The following ZIM2 variants were observed in gnomAD, a reference collection of about 807,000 sequenced individuals.
The protein encoded by ZIM2 is zinc finger imprinted 2, also known as zinc finger protein 656.
Under a neutral mutation model 38.6 loss-of-function variants are expected in ZIM2, and 14 were observed. The observed-to-expected ratio is 0.36, with a 90% CI of 0.24 to 0.57. The LOEUF is 0.57. ZIM2 is among the 20% of genes least tolerant of loss of function. The probability of loss-of-function intolerance (pLI) is 0.81; values close to 1 mark genes in which losing one functional copy is unlikely to be tolerated. For missense variants in ZIM2, 680 were observed against 695.1 expected (o/e 0.98, Z 0.24); for synonymous variants, 247 against 245.8 (o/e 1.00, Z -0.04).
chr19:56,789,779 T>G, intron 10 of ZIM2, 93 bp downstream of exon 10: 1 of 1,096,972 alleles, frequency 9.1e-7, no homozygotes, highest in South Asian at 3.2e-5. Flanking sequence ...TTAATGGAAA[T>G]GAGTATGTGG....
At chr19:56,804,067 G>A (rs1307093542) in intron 9 of ZIM2, among the ~76,000 whole-genome samples, 2 of 152,208 alleles carry the variant, frequency 1.3e-5, no homozygotes, top group Admixed American at 1.3e-4. Context: ...AGGTGGCTGG[G>A]ACTCATCCCA....
chr19:56,815,145 C>A lies in ZIM2; in HGVS notation c.490+2601G>T, dbSNP rs753462267. 5 of 1,613,806 alleles carry A rather than the reference C, an allele frequency of 3.1e-6. No homozygotes were observed. In the South Asian group the frequency reaches 5.5e-5, roughly 18 times the overall value. ...CATAGATTTTGTCATCAGGGTCATC[C>A]TTCTGAGGGTCTTCCATGTCTGAGC... On this transcript the variant is annotated intron_variant, in intron 9 of 12. Transcript: ENST00000629319.
chr19:56,775,092 C>A lies in ZIM2; in HGVS notation c.1273G>T (p.Val425Phe), dbSNP rs748113284. 6.2e-7 allele frequency: 1 copy of A among 1,614,122 alleles called. No homozygotes were observed. The highest frequency in any genetic ancestry group is 8.5e-7 in the Non-Finnish European group (1 of 1,180,030). ...SGCNEGRKPS[V>F]QCANLCERVR... Reference sequence around the variant, plus strand: ...CGTTCACAGAGATTCGCACACTGGACGGAAGGCTTTCTACCTTCATTGCAG... The same window carrying A: ...CGTTCACAGAGATTCGCACACTGGAAGGAAGGCTTTCTACCTTCATTGCAG... The change falls in exon 13 of 13, where the codon GTC becomes TTC. Residue 425 changes from valine (V) to phenylalanine (F), a missense_variant. Transcript: ENST00000629319.
At chr19:56,816,013 A>G in intron 9 of ZIM2, 2 of 1,590,258 alleles carry the variant, frequency 1.3e-6, no homozygotes, top group Non-Finnish European at 1.7e-6. Context: ...GATAGCATCG[A>G]AGCTCTGAAT....
intron 9 of ZIM2, chr19:56,815,130 G>A: frequency 3.1e-6 from 5 of 1,613,844 alleles, no homozygotes; most frequent in Non-Finnish European, 3.4e-6. Context: ...CATAGATTTT[G>A]TCATCAGGGT....
At chr19:56,804,268 G>A (rs1305801699) in intron 9 of ZIM2, among the ~76,000 whole-genome samples, 1 of 152,218 alleles carries the variant, frequency 6.6e-6, no homozygotes, top group Non-Finnish European at 1.5e-5. Flanking sequence ...CACCTTTTCA[G>A]GGTGGATAGA....
chr19:56,775,677 T>G, intron 12 of ZIM2, 148 bp from the exon 13 acceptor site: 2 of 1,378,472 alleles, frequency 1.5e-6, no homozygotes, highest in Middle Eastern at 2.4e-4. Context: ...AAGTAAAAAT[T>G]CCTCTATTCT....
intron 11 of ZIM2, among the ~76,000 whole-genome samples, chr19:56,780,695 A>C (rs1402123015): frequency 1.3e-5 from 2 of 152,200 alleles, no homozygotes; most frequent in Non-Finnish European, 2.9e-5. Flanking sequence ...TTGCCTATCT[A>C]ACATTCAGGG....
chr19:56,818,880 G>T (rs1349088749), intron 7 of ZIM2, among the ~76,000 whole-genome samples, 178 bp from the exon 8 acceptor site: 3 of 152,208 alleles, frequency 2.0e-5, no homozygotes, highest in Non-Finnish European at 4.4e-5. Context: ...ACCTACCTTG[G>T]TGCTACACTC....
intron 9 of ZIM2, chr19:56,792,974 A>G (rs776980146): frequency 6.5e-6 from 1 of 152,678 alleles, no homozygotes; most frequent in African/African-American, 2.4e-5. Context: ...AATAAACAGA[A>G]GCAGCCAGTT....
intron 9 of ZIM2, chr19:56,812,725 G>C: frequency 1.0e-6 from 1 of 984,612 alleles, no homozygotes; most frequent in Non-Finnish European, 1.2e-6. Flanking sequence ...AGTGATGGTT[G>C]TAACCCATTC....
At chr19:56,813,375 T>G (rs2059675230) in intron 9 of ZIM2, 2 of 1,173,878 alleles carry the variant, frequency 1.7e-6, no homozygotes, top group Non-Finnish European at 2.1e-6. Flanking sequence ...TACAGTTGAT[T>G]TGGGCAAACT....
chr19:56,825,263 A>G (rs1380718988), intron 3 of ZIM2, among the ~76,000 whole-genome samples: 3 of 152,242 alleles, frequency 2.0e-5, no homozygotes, highest in Non-Finnish European at 2.9e-5. Context: ...AGTATACAAC[A>G]TGTAAAAAAT....
chr19:56,781,868 C>T (rs889680383), intron 11 of ZIM2, 85 bp downstream of exon 11: 3 of 1,512,334 alleles, frequency 2.0e-6, no homozygotes, highest in Admixed American at 2.0e-5. Flanking sequence ...TGGTGAACCA[C>T]CATTACTGAT....
rs1236865240 is a variant in ZIM2 at position 56,833,467 on chromosome 19, C to T, written c.-227+2551G>A. On this transcript the variant is annotated intron_variant, in intron 2 of 12. Transcript: ENST00000629319. ...TTCAGCACGCACATGGAGTAAGATG[C>T]TGTCCCAGCCCAGGCCTACGTCACC... The T allele has an allele frequency of 1.3e-5, 4 of 303,094 alleles. No individual in the cohort carries two copies. The East Asian group carries it at 2.6e-4, about 20-fold the overall frequency. The allele number at this position is 303,094 out of a possible 1,614,324, so 18.8% of individuals were successfully genotyped here.
At chr19:56,816,888 G>A (rs376939633) in intron 9 of ZIM2, 108 of 1,614,084 alleles carry the variant, frequency 6.7e-5, no homozygotes, top group Non-Finnish European at 8.1e-5. Context: ...CAGCCAAGGC[G>A]GCACTCTTAT....
intron 9 of ZIM2, among the ~76,000 whole-genome samples, chr19:56,792,530 CAAAAAAAAAAAA>C (rs1215431208): frequency 1.9e-4 from 4 of 20,954 alleles, no homozygotes; most frequent in Non-Finnish European, 4.9e-4. Context: ...GACTCTGTCT[CAAAAAAAAAAAA>C]AAAAAAAAAA....
intron 2 of ZIM2, among the ~76,000 whole-genome samples, chr19:56,834,653 A>G (rs2061902050): frequency 6.6e-6 from 1 of 152,196 alleles, no homozygotes; most frequent in Non-Finnish European, 1.5e-5. Flanking sequence ...CCTCGGGCAA[A>G]GGAGGTTTCC....
intron 9 of ZIM2, chr19:56,791,232 A>T (rs964247830): frequency 5.9e-5 from 9 of 152,184 alleles, no homozygotes; most frequent in Non-Finnish European, 1.2e-4. Context: ...ACTGCCAATT[A>T]TTAATATAAG....
Sources: allele counts gnomAD v4.1 joint callset (sites outside exome capture counted in the v4.1 genomes callset), GRCh38; gene constraint gnomAD v4.1.1; transcripts MANE v1.5; gene names NCBI Gene and HGNC (gene_info 2026-07-23, HGNC 2026-07-21).